The following ATP13A4 variants were observed in gnomAD, a reference collection of about 807,000 sequenced individuals.
ATP13A4 encodes the protein ATPase 13A4, also known as probable cation-transporting ATPase 13A4.
Under a neutral mutation model 142.5 loss-of-function variants are expected in ATP13A4, and 114 were observed. The observed-to-expected ratio is 0.80, with a 90% CI of 0.69 to 0.93. ATP13A4 has a LOEUF of 0.93. Among genes scored for constraint, ATP13A4 ranks in the 40% least tolerant of loss-of-function variants. The pLI is 0.00. For missense variants in ATP13A4, 1,392 were observed against 1,454.0 expected (o/e 0.96, Z 0.69); for synonymous variants, 488 against 514.8 (o/e 0.95, Z 0.70).
rs1361291430 is a variant in ATP13A4, at chr3:193,502,621, A to C, written c.253T>G (p.Ser85Ala). Residue 85 changes from serine to alanine, a missense_variant, in exon 3 of 30, where the codon TCT (serine) becomes GCT (alanine). Ser to Ala is a moderately conservative substitution (Grantham distance 99). Transcript: ENST00000342695. ...LRTTDEFQIY[S>A]WKKVIWIYLS... ...TAGATCCATATTACCTTTTTCCAAG[A>C]GTAAATTTGGAATTCATCCTGAGGA... is the stretch of plus-strand genomic sequence containing the variant. 6.2e-7 allele frequency: 1 copy of C among 1,614,062 alleles called. No homozygotes were observed. Among genetic ancestry groups the C allele is most frequent in the South Asian group, 1.1e-5 (1 of 91,078 alleles).
chr3:193,502,965 AT>A (rs1175413896), intron 2 of ATP13A4, among the ~76,000 whole-genome samples: 1 of 151,770 alleles, frequency 6.6e-6, no homozygotes, highest in Non-Finnish European at 1.5e-5. Flanking sequence ...GACCATCCCC[AT>A]CTTTCAAGGC....
At chr3:193,565,468 A>T (rs941822234) in intron 2 of ATP13A4, among the ~76,000 whole-genome samples, 6 of 152,094 alleles carry the variant, frequency 3.9e-5, no homozygotes, top group African/African-American at 1.2e-4. Context: ...GAATTTCTGG[A>T]CCCTTTGAAA....
intron 17 of ATP13A4, among the ~76,000 whole-genome samples, chr3:193,448,593 C>T (rs1181997794): frequency 1.3e-5 from 2 of 152,184 alleles, no homozygotes; most frequent in East Asian, 1.9e-4. Context: ...GCCTCAGCTT[C>T]CCAAAGTGCT....
chr3:193,448,116 T>C, intron 18 of ATP13A4, 90 bp downstream of exon 18: 1 of 1,546,422 alleles, frequency 6.5e-7, no homozygotes, highest in Non-Finnish European at 8.9e-7. Flanking sequence ...TGGCCCAGAG[T>C]AGGTAGTCAA....
At chr3:193,457,545 G>A (rs1576983934) in intron 14 of ATP13A4, 80 bp from the exon 15 acceptor site, 3 of 1,325,072 alleles carry the variant, frequency 2.3e-6, no homozygotes, top group Admixed American at 3.4e-5. Context: ...CCCTCCCCTT[G>A]AGAAGATCCT....
At chr3:193,583,209 G>T (rs1724604799) in intron 1 of ATP13A4, among the ~76,000 whole-genome samples, 1 of 151,718 alleles carries the variant, frequency 6.6e-6, no homozygotes, top group African/African-American at 2.4e-5. Flanking sequence ...AAGGCAGGCA[G>T]ATCACCTGAG....
At chr3:193,543,135 T>G in intron 1 of ATP13A4, among the ~76,000 whole-genome samples, 1 of 143,386 alleles carries the variant, frequency 7.0e-6, no homozygotes, top group Non-Finnish European at 1.5e-5. Flanking sequence ...ACCACTGCAC[T>G]CCAGCCTGGG....
rs1250321651 is a variant in ATP13A4, at chr3:193,399,327, C to T, written c.*3325G>A. Among the ~76,000 whole-genome samples, 1 of 152,214 alleles carries T rather than the reference C, an allele frequency of 6.6e-6. No individual in the cohort carries two copies. Among genetic ancestry groups the T allele is most frequent in the Non-Finnish European group, 1.5e-5 (1 of 68,036 alleles). ...TTTCATGCAAAGTTTTTTAACACCT[C>T]TCTTTAAGAAAATTCACAAATCAGA... On this transcript the variant is annotated 3_prime_UTR_variant, in exon 30 of 30. Transcript: ENST00000342695.
At chr3:193,522,150 T>C (rs1277641974) in intron 1 of ATP13A4, among the ~76,000 whole-genome samples, 3 of 152,122 alleles carry the variant, frequency 2.0e-5, no homozygotes, top group Non-Finnish European at 2.9e-5. Context: ...TTAGTTTCCT[T>C]TGACTCAGGG....
At chr3:193,449,647 C>G (rs187386010) in intron 17 of ATP13A4, among the ~76,000 whole-genome samples, 1 of 152,330 alleles carries the variant, frequency 6.6e-6, no homozygotes, top group East Asian at 1.9e-4. Flanking sequence ...CCAAGTTGAA[C>G]CACTAGCCAT....
At chr3:193,500,911 G>T (rs1247088209) in intron 3 of ATP13A4, among the ~76,000 whole-genome samples, 1 of 152,128 alleles carries the variant, frequency 6.6e-6, no homozygotes, top group Non-Finnish European at 1.5e-5. Flanking sequence ...CTCATTGTGT[G>T]TTCATAACAG....
chr3:193,434,026 C>T, intron 24 of ATP13A4, 109 bp from the exon 25 acceptor site: 2 of 915,220 alleles, frequency 2.2e-6, no homozygotes, highest in Non-Finnish European at 1.8e-6. Flanking sequence ...AAGTAAATTA[C>T]TGTGGAGATG....
chr3:193,480,443 C>T (rs541346758), intron 8 of ATP13A4, among the ~76,000 whole-genome samples: 4 of 152,032 alleles, frequency 2.6e-5, no homozygotes, highest in African/African-American at 7.2e-5. Context: ...AAAAAACAAA[C>T]AATGCCATCA....
chr3:193,566,480 C>T (rs1724137273), intron 2 of ATP13A4, among the ~76,000 whole-genome samples: 1 of 152,152 alleles, frequency 6.6e-6, no homozygotes, highest in Admixed American at 6.5e-5. Context: ...CAGCCCGGAA[C>T]CTTCTTTGCT....
chr3:193,483,055 T>C lies in ATP13A4; in HGVS notation c.808+881A>G, dbSNP rs1438855342. 9.2e-5 allele frequency among the ~76,000 whole-genome samples: 14 copies of C among 152,042 alleles called. No homozygotes were observed. The East Asian group carries it at 2.7e-3, about 29-fold the overall frequency. ...CTATACACTGAGATAGCCTCAGAAA[T>C]AAAAGGAATCAATGATTGATACACT... On this transcript the variant is annotated intron_variant, in intron 8 of 29. Coordinates refer to ENST00000342695, the MANE Select transcript of ATP13A4 (RefSeq NM_032279.4).
rs1415240545 is a variant in ATP13A4 at position 193,549,431 on chromosome 3, TATAGAG to T, written c.60+5303_60+5308del. Among the ~76,000 whole-genome samples, 205 of 136,370 alleles carry T rather than the reference TATAGAG, an allele frequency of 1.5e-3. 1 individual carries two copies. Among genetic ancestry groups the T allele is most frequent in the African/African-American group, 3.1e-3 (117 of 37,468 alleles). 89.5% of individuals were successfully genotyped at this position (136,370 alleles called of 152,430 possible). A position where few individuals can be genotyped will look rare whatever the true frequency, so the allele number is the denominator to read the frequency against. On this transcript the variant is annotated intron_variant, in intron 1 of 29. Coordinates refer to ENST00000342695, the MANE Select transcript of ATP13A4 (RefSeq NM_032279.4). ...TATAATTATCAAATATATATATATA[TATAGAG>T]AGAGAGAGAGAGAGAGAGAGATCCA...
intron 12 of ATP13A4, among the ~76,000 whole-genome samples, chr3:193,464,393 G>A (rs985534218): frequency 6.6e-5 from 10 of 152,224 alleles, no homozygotes; most frequent in South Asian, 2.1e-4. Flanking sequence ...ATAAAAAGAC[G>A]GTAGAATACG....
rs529512020 is a variant in ATP13A4 at position 193,437,166 on chromosome 3, G to A, written c.2672+1309C>T. On this transcript the variant is annotated intron_variant, in intron 23 of 29. Coordinates refer to ENST00000342695, the MANE Select transcript of ATP13A4 (RefSeq NM_032279.4). ...TTTTTTTCTGTATCAGAGTTTTGCC[G>A]TGACATTTCCTCTGCCCAGAGGTAG... Among the ~76,000 whole-genome samples the A allele has an allele frequency of 2.0e-3, 296 of 149,670 alleles. 2 individuals carry two copies. Among genetic ancestry groups the A allele is most frequent in the African/African-American group, 5.6e-3 (230 of 40,822 alleles).
intron 25 of ATP13A4, among the ~76,000 whole-genome samples, chr3:193,418,742 A>G (rs531753890): frequency 2.7e-5 from 4 of 150,096 alleles, no homozygotes; most frequent in East Asian, 4.2e-4. Context: ...CCAGAGTAGA[A>G]GCCAACAGTG....
Sources: gnomAD v4.1 joint callset for allele counts (sites outside exome capture counted in the v4.1 genomes callset) on GRCh38, gnomAD v4.1.1 for gene constraint, MANE v1.5 for transcripts, NCBI Gene and HGNC (gene_info 2026-07-23, HGNC 2026-07-21) for gene names.